Variants in ULK4 observed in about 807,000 individuals in gnomAD.
ULK4 encodes the protein inactive serine/threonine-protein kinase ULK4.
Under a neutral mutation model 160.6 loss-of-function variants are expected in ULK4, and 133 were observed. The observed-to-expected ratio is 0.83, with a 90% CI of 0.72 to 0.96. The LOEUF is 0.96. ULK4 is among the 40% of genes least tolerant of loss of function. The pLI is 0.00. For missense variants in ULK4, 1,580 were observed against 1,499.5 expected (o/e 1.05, Z -0.89); for synonymous variants, 534 against 539.8 (o/e 0.99, Z 0.15).
intron 21 of ULK4, among the ~76,000 whole-genome samples, chr3:41,782,787 T>C (rs564656858): frequency 6.6e-6 from 1 of 152,186 alleles, no homozygotes; most frequent in Non-Finnish European, 1.5e-5. Context: ...ACTAAGGATG[T>C]CCATACAAAA....
At chr3:41,729,181 C>T (rs993272038) in intron 22 of ULK4, among the ~76,000 whole-genome samples, 7 of 152,316 alleles carry the variant, frequency 4.6e-5, no homozygotes, top group African/African-American at 1.7e-4. Context: ...AAATACTCTG[C>T]TCTCTGCCAC....
Position 41,439,175 on chromosome 3 carries a change from T to A in ULK4, c.3492+16322A>T, listed in dbSNP as rs140018679. 4.0e-3 allele frequency among the ~76,000 whole-genome samples: 608 copies of A among 152,232 alleles called. 3 individuals carry two copies. Among genetic ancestry groups the A allele is most frequent in the Non-Finnish European group, 6.7e-3 (459 of 68,024 alleles). ...TGAAGCTATTCTACTGTTGAAACAT[T>A]AGCCACAGAACCTGGACCAAATTCA... On this transcript the variant is annotated intron_variant, in intron 34 of 36. Coordinates refer to ENST00000301831, the MANE Select transcript of ULK4 (RefSeq NM_017886.4).
Position 41,915,971 on chromosome 3 carries a change from C to A in ULK4, c.803+6G>T. The A allele has an allele frequency of 6.3e-7, 1 of 1,579,988 alleles. No homozygotes were observed. Among genetic ancestry groups the A allele is most frequent in the Admixed American group, 2.0e-5 (1 of 50,866 alleles). The stretch of plus-strand genomic sequence containing the variant: ...AAAGAAAAAAAGATCGAACTACTGT[C>A]CCTACCTTTTCTGAGGATCTCTTTG... On this transcript the variant is annotated splice_donor_region_variant and intron_variant, in intron 8 of 36. Transcript: ENST00000301831.
At chr3:41,301,749 G>A (rs2079804244) in intron 35 of ULK4, among the ~76,000 whole-genome samples, 1 of 152,116 alleles carries the variant, frequency 6.6e-6, no homozygotes, top group African/African-American at 2.4e-5. Context: ...TGTCAGATAT[G>A]TCATCACTAA....
intron 35 of ULK4, among the ~76,000 whole-genome samples, chr3:41,348,353 A>T (rs1287270134): frequency 6.6e-6 from 1 of 152,178 alleles, no homozygotes; most frequent in Non-Finnish European, 1.5e-5. Context: ...TGTCTAGGAC[A>T]AGGTGTACTG....
rs545621919 is a variant in ULK4 at position 41,725,559 on chromosome 3, T to A, written c.2322-7698A>T. Among the ~76,000 whole-genome samples the A allele has an allele frequency of 5.3e-5, 8 of 152,286 alleles. No homozygotes were observed. The East Asian group carries it at 1.5e-3, about 29-fold the overall frequency. ...TTCAGTTCTAGAATATCCATTTGGG[T>A]TTTTTTAATAGTTCTAGTTCTCCAC... On this transcript the variant is annotated intron_variant, in intron 22 of 36. Transcript: ENST00000301831.
At chr3:41,936,764 T>C (rs1020797285) in intron 3 of ULK4, among the ~76,000 whole-genome samples, 5 of 152,004 alleles carry the variant, frequency 3.3e-5, no homozygotes, top group Admixed American at 1.3e-4. Flanking sequence ...TACCAGAGGT[T>C]GGGAAGGATA....
chr3:41,766,766 CAAGG>C (rs1298986369), intron 21 of ULK4: 3 of 152,186 alleles, frequency 2.0e-5, no homozygotes, highest in Non-Finnish European at 4.4e-5. Context: ...CCTCCTCAAT[CAAGG>C]AAGGATCTGA....
chr3:41,316,838 T>C (rs1026314091), intron 35 of ULK4, among the ~76,000 whole-genome samples: 1 of 152,220 alleles, frequency 6.6e-6, no homozygotes, highest in African/African-American at 2.4e-5. Flanking sequence ...CCACCATATA[T>C]GTTGGCATCT....
intron 35 of ULK4, among the ~76,000 whole-genome samples, chr3:41,348,075 G>A (rs2080835740): frequency 6.6e-6 from 1 of 151,756 alleles, no homozygotes; most frequent in Admixed American, 6.6e-5. Flanking sequence ...CAGGTGTGGT[G>A]GCATGCATCT....
intron 35 of ULK4, among the ~76,000 whole-genome samples, chr3:41,273,874 A>G (rs976223910): frequency 1.1e-5 from 1 of 90,264 alleles, no homozygotes; most frequent in African/African-American, 1.0e-4. Context: ...CTCTCTTCAC[A>G]TATGTCTGCT....
At chr3:41,742,020 T>C (rs914987569) in intron 22 of ULK4, among the ~76,000 whole-genome samples, 18 of 151,896 alleles carry the variant, frequency 1.2e-4, no homozygotes, top group African/African-American at 3.9e-4. Flanking sequence ...TGAAAAAAGA[T>C]GGCCTAACAA....
chr3:41,506,767 A>AAAAAAAAAAAAAAAAAAAAAAAAAT lies in ULK4; in HGVS notation c.3227-43515_3227-43514insATTTTTTTTTTTTTTTTTTTTTTTT. 1.6e-3 allele frequency among the ~76,000 whole-genome samples: 89 copies of AAAAAAAAAAAAAAAAAAAAAAAAAT among 56,780 alleles called. 5 individuals carry two copies. Among genetic ancestry groups the AAAAAAAAAAAAAAAAAAAAAAAAAT allele is most frequent in the Non-Finnish European group, 2.1e-3 (67 of 31,974 alleles). The allele number at this position is 56,780 out of a possible 152,430, so 37.2% of individuals were successfully genotyped here. A position where few individuals can be genotyped will look rare whatever the true frequency, so the allele number is the denominator to read the frequency against. On this transcript the variant is annotated intron_variant, in intron 32 of 36. Transcript: ENST00000301831. The stretch of plus-strand genomic sequence containing the variant: ...AGCAATACACTGGAGTGTGATTTAA[A>AAAAAAAAAAAAAAAAAAAAAAAAAT]ATATATATATATATATATATATATA...
chr3:41,799,586 G>A (rs757726175), intron 20 of ULK4, among the ~76,000 whole-genome samples: 2 of 152,146 alleles, frequency 1.3e-5, no homozygotes, highest in Admixed American at 6.5e-5. Flanking sequence ...TTAAGGCTGG[G>A]CGCGGTGGCT....
chr3:41,473,316 T>A (rs1420298522), intron 32 of ULK4, among the ~76,000 whole-genome samples: 2 of 152,070 alleles, frequency 1.3e-5, no homozygotes, highest in Non-Finnish European at 2.9e-5. Context: ...GTCAACAATA[T>A]GATCTTGTAT....
chr3:41,527,891 T>C (rs1386893440), intron 32 of ULK4, among the ~76,000 whole-genome samples: 2 of 152,260 alleles, frequency 1.3e-5, no homozygotes, highest in African/African-American at 4.8e-5. Flanking sequence ...AGAATAGTTT[T>C]ATAATATTTC....
At chr3:41,706,514 G>A (rs1217676467) in intron 25 of ULK4, among the ~76,000 whole-genome samples, 5 of 150,226 alleles carry the variant, frequency 3.3e-5, no homozygotes, top group Middle Eastern at 3.5e-3. Flanking sequence ...AAGTATAAGC[G>A]ATTAGCCCAC....
At chr3:41,312,893 C>T (rs533640513) in intron 35 of ULK4, among the ~76,000 whole-genome samples, 1 of 152,120 alleles carries the variant, frequency 6.6e-6, no homozygotes, top group South Asian at 2.1e-4. Context: ...TTTTCTAGCC[C>T]TAAGTGCTTA....
At chr3:41,261,997 G>A (rs1288870351) in intron 35 of ULK4, among the ~76,000 whole-genome samples, 4 of 152,188 alleles carry the variant, frequency 2.6e-5, no homozygotes, top group South Asian at 4.1e-4. Context: ...ATGATCACAC[G>A]TTAGAGACAG....
Sources: allele counts gnomAD v4.1 joint callset (sites outside exome capture counted in the v4.1 genomes callset), GRCh38; gene constraint gnomAD v4.1.1; transcripts MANE v1.5; gene names NCBI Gene and HGNC (gene_info 2026-07-23, HGNC 2026-07-21).